The following PSIP1 variants were observed in gnomAD, a reference collection of about 807,000 sequenced individuals.
PSIP1 encodes PC4 and SFRS1-interacting protein.
A neutral mutation model predicts 74.7 loss-of-function variants in PSIP1; 19 were observed. The ratio of observed to expected loss-of-function variants is 0.25; its 90% CI spans 0.18 to 0.37. The LOEUF is 0.37. PSIP1 is among the 10% of genes least tolerant of loss of function. The pLI is 1.00. For synonymous variants in PSIP1, 222 were observed against 195.3 expected, an observed-to-expected ratio of 1.14 and a Z score of -1.14; for missense variants, 601 against 614.3, an observed-to-expected ratio of 0.98 and a Z score of 0.23.
intron 6 of PSIP1, among the ~76,000 whole-genome samples, chr9:15,482,882 C>G (rs2036396530): frequency 6.6e-6 from 1 of 152,174 alleles, no homozygotes; most frequent in African/African-American, 2.4e-5. Flanking sequence ...ATGGAGTTCA[C>G]CTGAAAGTAT....
chr9:15,472,478 GATC>G (rs957741311), intron 10 of PSIP1, 151 bp downstream of exon 10: 29 of 1,402,240 alleles, frequency 2.1e-5, no homozygotes, highest in Admixed American at 3.5e-5. Flanking sequence ...CCTGAAATAA[GATC>G]ATCATCATAT....
At chr9:15,471,946 G>C (rs1215607031) in intron 10 of PSIP1, 1 of 974,334 alleles carries the variant, frequency 1.0e-6, no homozygotes, top group African/African-American at 1.8e-5. Flanking sequence ...ACTCAGAAGT[G>C]ACAGTCTAAA....
In PSIP1 at chr9:15,474,031, C is replaced by A. The variant is rs775722008; in HGVS notation, c.836G>T (p.Gly279Val). 9 of 1,612,824 alleles carry A rather than the reference C, an allele frequency of 5.6e-6. No individual in the cohort carries two copies. The highest frequency in any genetic ancestry group is 5.0e-5 in the Admixed American group (3 of 59,870). Residue 279 changes from glycine to valine, a missense_variant, in exon 9 of 16, where the codon GGA becomes GTA. Transcript: ENST00000380733. Reference sequence around the variant, plus strand: ...TACCTTTTCACCTTCTTGATCATCTCCTTCTTCTTCAGAATCGGAGGTTGA... The same window carrying A: ...TACCTTTTCACCTTCTTGATCATCTACTTCTTCTTCAGAATCGGAGGTTGA... The part of the protein sequence containing the change: ...VTSTSDSEEE[G>V]DDQEGEKKRK...
intron 3 of PSIP1, chr9:15,505,772 CA>C (rs1292275828): frequency 6.6e-6 from 1 of 152,238 alleles, no homozygotes; most frequent in Non-Finnish European, 1.5e-5. Context: ...AAAGTTTATA[CA>C]GTAGCTAAGC....
chr9:15,468,111 A>T (rs1317096914), intron 14 of PSIP1, among the ~76,000 whole-genome samples: 1 of 131,172 alleles, frequency 7.6e-6, no homozygotes, highest in South Asian at 2.5e-4. Context: ...ACAAGAGCGA[A>T]ACTCCATCTT....
At chr9:15,473,972 G>T (rs2035964380) in intron 9 of PSIP1, 37 bp downstream of exon 9, 12 of 1,302,646 alleles carry the variant, frequency 9.2e-6, no homozygotes, top group Non-Finnish European at 1.3e-5. Context: ...TATAAACTAA[G>T]AATAGAACAG....
chr9:15,492,443 C>T (rs1208992074), intron 3 of PSIP1, among the ~76,000 whole-genome samples: 1 of 152,208 alleles, frequency 6.6e-6, no homozygotes, highest in Non-Finnish European at 1.5e-5. Context: ...AGGTGAGCTC[C>T]CACAGCCTTA....
At chr9:15,503,223 T>C (rs751707962) in intron 3 of PSIP1, among the ~76,000 whole-genome samples, 8 of 150,440 alleles carry the variant, frequency 5.3e-5, no homozygotes, top group Non-Finnish European at 8.9e-5. Flanking sequence ...AAAAATTAGA[T>C]GGGTGTGGTG....
chr9:15,475,193 G>T (rs895782860), intron 8 of PSIP1, among the ~76,000 whole-genome samples: 1 of 152,056 alleles, frequency 6.6e-6, no homozygotes, highest in South Asian at 2.1e-4. Context: ...TTATCATTGG[G>T]TATGCTTATT....
chr9:15,488,675 A>C (rs186022533), intron 4 of PSIP1, among the ~76,000 whole-genome samples: 108 of 152,314 alleles, frequency 7.1e-4, no homozygotes, highest in Admixed American at 6.8e-3. Flanking sequence ...TCACAAGGTC[A>C]GAAGATTGAG....
At chr9:15,469,817 A>G (rs2035756826) in intron 11 of PSIP1, 121 bp downstream of exon 11, 1 of 816,936 alleles carries the variant, frequency 1.2e-6, no homozygotes. Flanking sequence ...AGGGATTTGA[A>G]AAATTCTATT....
chr9:15,496,477 CT>C (rs2037081634), intron 3 of PSIP1, among the ~76,000 whole-genome samples: 2 of 152,206 alleles, frequency 1.3e-5, no homozygotes, highest in Admixed American at 1.3e-4. Flanking sequence ...AACAGAAAGT[CT>C]TAACAGAACT....
intron 5 of PSIP1, 99 bp from the exon 6 acceptor site, chr9:15,486,167 AT>A: frequency 1.0e-6 from 1 of 966,140 alleles, no homozygotes; most frequent in Non-Finnish European, 1.6e-6. Flanking sequence ...AACTGAAAGC[AT>A]TGGGGAAATC....
rs532601830 is a variant in PSIP1, at chr9:15,486,938, G to A, written c.289-7C>T. On this transcript the variant is annotated splice_polypyrimidine_tract_variant and splice_region_variant and intron_variant, in intron 4 of 15. Coordinates refer to ENST00000380733, the MANE Select transcript of PSIP1 (RefSeq NM_033222.5). Reference sequence around the variant, plus strand: ...TTGATTGTTTAGTTGCTGCCTGTGAGCAATCAACTCTATTAATTTCAAAAA... The same window carrying A: ...TTGATTGTTTAGTTGCTGCCTGTGAACAATCAACTCTATTAATTTCAAAAA... The A allele has an allele frequency of 1.9e-6, 3 of 1,554,856 alleles. No homozygotes were observed. The highest frequency in any genetic ancestry group is 1.4e-5 in the African/African-American group (1 of 72,952).
At chr9:15,507,577 G>T (rs940029462) in intron 2 of PSIP1, among the ~76,000 whole-genome samples, 1 of 152,144 alleles carries the variant, frequency 6.6e-6, no homozygotes, top group Non-Finnish European at 1.5e-5. Flanking sequence ...AACAGAGGTT[G>T]CAGTGAGCCG....
chr9:15,470,028 G>T, intron 10 of PSIP1, 35 bp from the exon 11 acceptor site: 1 of 1,536,608 alleles, frequency 6.5e-7, no homozygotes, highest in East Asian at 2.3e-5. Flanking sequence ...TCAACACATT[G>T]GAATTTTGTG....
intron 3 of PSIP1, among the ~76,000 whole-genome samples, chr9:15,504,205 G>C (rs1427080121): frequency 6.6e-6 from 1 of 152,158 alleles, no homozygotes; most frequent in Non-Finnish European, 1.5e-5. Flanking sequence ...TAACTTTAAA[G>C]TTAAATTCAT....
chr9:15,508,688 A>G (rs2037711585), intron 2 of PSIP1, among the ~76,000 whole-genome samples: 1 of 152,208 alleles, frequency 6.6e-6, no homozygotes, highest in African/African-American at 2.4e-5. Context: ...GGGGCCTTAA[A>G]CCTGATCAGT....
intron 15 of PSIP1, 143 bp downstream of exon 15, chr9:15,466,605 G>A (rs1424232359): frequency 5.1e-5 from 31 of 608,570 alleles, no homozygotes; most frequent in Non-Finnish European, 7.2e-5. Context: ...CTTCCTTTTT[G>A]AATTGTAACT....
Sources: gnomAD v4.1 joint callset for allele counts (sites outside exome capture counted in the v4.1 genomes callset) on GRCh38, gnomAD v4.1.1 for gene constraint, MANE v1.5 for transcripts, NCBI Gene and HGNC (gene_info 2026-07-23, HGNC 2026-07-21) for gene names.